The following HADHB variants were observed in gnomAD, a reference collection of about 807,000 sequenced individuals.
The protein encoded by HADHB is hydroxyacyl-CoA dehydrogenase trifunctional multienzyme complex subunit beta.
A neutral mutation model predicts 61.9 loss-of-function variants in HADHB; 50 were observed. The ratio of observed to expected loss-of-function variants is 0.81; its 90% CI spans 0.64 to 1.02. The LOEUF (loss-of-function observed/expected upper bound fraction) is 1.02, where lower values mean the gene tolerates loss of function less well. HADHB is among the 50% of genes least tolerant of loss of function. The pLI is 0.00. For synonymous variants in HADHB, 191 were observed against 201.6 expected (o/e 0.95, Z 0.45); for missense variants, 504 against 586.5 (o/e 0.86, Z 1.45).
intron 5 of HADHB, among the ~76,000 whole-genome samples, chr2:26,273,096 AAAAAGG>A (rs2147819484): frequency 6.6e-6 from 1 of 152,144 alleles, no homozygotes; most frequent in Non-Finnish European, 1.5e-5. Flanking sequence ...TCAAAAAAAA[AAAAAGG>A]AAACCAAGTC....
intron 1 of HADHB, among the ~76,000 whole-genome samples, chr2:26,252,601 A>T (rs1190396266): frequency 6.6e-6 from 1 of 152,142 alleles, no homozygotes; most frequent in African/African-American, 2.4e-5. Flanking sequence ...CTGTACAGCT[A>T]TTTTGCACCT....
intron 4 of HADHB, among the ~76,000 whole-genome samples, chr2:26,268,918 G>A (rs1369380460): frequency 6.6e-6 from 1 of 152,052 alleles, no homozygotes; most frequent in African/African-American, 2.4e-5. Flanking sequence ...AGGCCAAGGC[G>A]GGCAAATCAC....
chr2:26,285,631 T>A, intron 15 of HADHB, 60 bp downstream of exon 15: 1 of 1,422,756 alleles, frequency 7.0e-7, no homozygotes, highest in Non-Finnish European at 9.9e-7. Flanking sequence ...ATGACTAGAA[T>A]GTATGATTTA....
chr2:26,263,247 C>T (rs1671931405), intron 3 of HADHB, 133 bp from the exon 4 acceptor site: 7 of 573,202 alleles, frequency 1.2e-5, no homozygotes, highest in African/African-American at 3.9e-5. Context: ...TGCAGTGAGC[C>T]GAGATCACGC....
chr2:26,285,679 G>A lies in HADHB; in HGVS notation c.1389+108G>A. ...CTTAAAGCAATATTTTTGATGACCT[G>A]GGGGTGGGGAGTGGGGAGGGATAAC... is the stretch of plus-strand genomic sequence containing the variant. On this transcript the variant is annotated intron_variant, in intron 15 of 15. Transcript: ENST00000317799. 10 of 819,626 alleles carry A rather than the reference G, an allele frequency of 1.2e-5. No homozygotes were observed. In the South Asian group the frequency reaches 1.5e-4, roughly 12 times the overall value. 50.8% of individuals were successfully genotyped at this position (819,626 alleles called of 1,614,324 possible). A position where few individuals can be genotyped will look rare whatever the true frequency, so the allele number is the denominator to read the frequency against.
intron 4 of HADHB, among the ~76,000 whole-genome samples, chr2:26,265,190 A>G (rs1672025715): frequency 6.6e-6 from 1 of 152,206 alleles, no homozygotes; most frequent in Non-Finnish European, 1.5e-5. Context: ...CTCAGCAGCA[A>G]TAAAATAGAA....
intron 10 of HADHB, among the ~76,000 whole-genome samples, chr2:26,282,589 AC>A (rs1672837796): frequency 6.6e-6 from 1 of 151,946 alleles, no homozygotes; most frequent in Non-Finnish European, 1.5e-5. Flanking sequence ...TTCTAAAGTT[AC>A]CTCTTCTGTT....
In HADHB at chr2:26,284,619, A is replaced by G. The variant is rs114530345; in HGVS notation, c.1150-264A>G. Among the ~76,000 whole-genome samples the G allele has an allele frequency of 0.019, 2,831 of 151,890 alleles. 81 individuals are homozygous for G. The highest frequency in any genetic ancestry group is 0.064 in the African/African-American group (2,642 of 41,400). Reference sequence around the variant, plus strand: ...CTGGGACAAGCAGGCGCCTGCCACCATGCCCGACTAATTTTTTTTATATTT... The same window carrying G: ...CTGGGACAAGCAGGCGCCTGCCACCGTGCCCGACTAATTTTTTTTATATTT... On this transcript the variant is annotated intron_variant, in intron 13 of 15. Transcript: ENST00000317799.
chr2:26,273,745 AG>A lies in HADHB; in HGVS notation c.350del (p.Arg117LysfsTer29). The A allele has an allele frequency of 6.5e-7, 1 of 1,536,986 alleles. No individual in the cohort carries two copies. The highest frequency in any genetic ancestry group is 9.0e-7 in the Non-Finnish European group (1 of 1,109,724). Reference sequence around the variant, plus strand: ...GGAAGTGAAAACAAGCAATGTGGCTAGAGAGGTGAGTAAAACAAACTTTATG... The same window carrying A: ...GGAAGTGAAAACAAGCAATGTGGCTAAGAGGTGAGTAAAACAAACTTTATG... ...IQEVKTSNVA[R>X]EAALGAGFSD... On this transcript the variant is annotated frameshift_variant, in exon 6 of 16. Transcript: ENST00000317799. LOFTEE classifies it high-confidence loss of function.
chr2:26,270,022 G>A (rs112452535), intron 5 of HADHB, 25 bp downstream of exon 5: 16 of 1,516,602 alleles, frequency 1.1e-5, no homozygotes, highest in East Asian at 4.5e-5. Context: ...TTTCATTTCC[G>A]TTCTTATTTC....
intron 3 of HADHB, among the ~76,000 whole-genome samples, chr2:26,262,039 C>T (rs1437731776): frequency 6.6e-6 from 1 of 152,138 alleles, no homozygotes; most frequent in African/African-American, 2.4e-5. Context: ...TTGCCTTTAT[C>T]TCCTTCACCA....
chr2:26,264,666 AT>A (rs1310113260), intron 4 of HADHB, among the ~76,000 whole-genome samples: 1 of 151,772 alleles, frequency 6.6e-6, no homozygotes, highest in East Asian at 1.9e-4. Flanking sequence ...ACAAAGGTTC[AT>A]TTTTAAACAG....
At chr2:26,257,420 A>G (rs1671672701) in intron 3 of HADHB, among the ~76,000 whole-genome samples, 1 of 151,808 alleles carries the variant, frequency 6.6e-6, no homozygotes, top group Non-Finnish European at 1.5e-5. Context: ...ACACCCGGCC[A>G]AGAGCTCCCC....
At position 26,285,739 on chromosome 2, in the gene HADHB, G is replaced by GTTTTT. The variant is rs766742523; in HGVS notation, c.1389+182_1389+186dup. 5.2e-4 allele frequency among the ~76,000 whole-genome samples: 34 copies of GTTTTT among 65,092 alleles called. 5 individuals are homozygous for GTTTTT. The highest frequency in any genetic ancestry group is 7.7e-4 in the Admixed American group (4 of 5,224). 42.7% of individuals were successfully genotyped at this position (65,092 alleles called of 152,430 possible). On this transcript the variant is annotated intron_variant, in intron 15 of 15. Transcript: ENST00000317799. Reference sequence around the variant, plus strand: ...TCTGATAAAACTTTTTGTTTTTTGGGTTTTTTTTTTTTTTTTTTGAGACAG... The same window carrying GTTTTT: ...TCTGATAAAACTTTTTGTTTTTTGGGTTTTTTTTTTTTTTTTTTTTTTTGAGACAG...
Position 26,284,943 on chromosome 2 carries a change from G to A in HADHB, c.1210G>A (p.Gly404Ser), listed in dbSNP as rs918753033. 5 of 1,576,878 alleles carry A rather than the reference G, an allele frequency of 3.2e-6. No homozygotes were observed. Among genetic ancestry groups the A allele is most frequent in the Admixed American group, 1.7e-5 (1 of 59,958 alleles). ...TGATTGGTTTGCAGAAAACTACATG[G>A]GTAGAAAAACCAAGGTGAGTTTCTA... The part of the protein sequence containing the change: ...DSDWFAENYM[G>S]RKTKVGLPPL... The change falls in exon 14 of 16, where the codon GGT becomes AGT. Residue 404 changes from glycine (G) to serine (S), a missense_variant. Transcript: ENST00000317799.
intron 1 of HADHB, among the ~76,000 whole-genome samples, chr2:26,250,769 T>A (rs1671367122): frequency 6.6e-6 from 1 of 151,726 alleles, no homozygotes; most frequent in Non-Finnish European, 1.5e-5. Context: ...TGCAGTGACC[T>A]ATGATCATAC....
Position 26,279,195 on chromosome 2 carries a change from G to T in HADHB, c.691G>T (p.Ala231Ser). ...CATGGGCCACTCTGCAGACCGACTG[G>T]CCGCTGCCTTTGCTGTTTCTCGGCT... ...ETMGHSADRL[A>S]AAFAVSRLEQ... The change falls in exon 9 of 16, where the codon GCC becomes TCC. Residue 231 changes from alanine (A) to serine (S), a missense_variant. Physicochemically the swap from Ala to Ser is moderately conservative, Grantham distance 99 (BLOSUM62 1). Transcript: ENST00000317799. The T allele has an allele frequency of 1.2e-6, 2 of 1,613,938 alleles. No homozygotes were observed. The highest frequency in any genetic ancestry group is 1.7e-6 in the Non-Finnish European group (2 of 1,179,878).
intron 3 of HADHB, among the ~76,000 whole-genome samples, chr2:26,258,381 A>G (rs996499960): frequency 6.6e-6 from 1 of 152,204 alleles, no homozygotes; most frequent in Non-Finnish European, 1.5e-5. Context: ...ATTAGAAGCC[A>G]TGGGTCATGG....
chr2:26,250,693 T>G (rs563310424), intron 1 of HADHB, among the ~76,000 whole-genome samples: 2 of 151,330 alleles, frequency 1.3e-5, no homozygotes, highest in South Asian at 4.2e-4. Context: ...TGGTGGCATG[T>G]GCCTGTAGTC....
Sources: gnomAD v4.1 joint callset for allele counts (sites outside exome capture counted in the v4.1 genomes callset) on GRCh38, gnomAD v4.1.1 for gene constraint, MANE v1.5 for transcripts, NCBI Gene and HGNC (gene_info 2026-07-23, HGNC 2026-07-21) for gene names.